The following SLC9A9 variants were observed in gnomAD, a reference collection of about 807,000 sequenced individuals.
SLC9A9 encodes the protein sodium/hydrogen exchanger 9.
SLC9A9 carries 62 observed loss-of-function variants against 77.8 expected under a neutral mutation model. The observed-to-expected ratio is 0.80, with a 90% CI of 0.65 to 0.98. The LOEUF is 0.98. Among genes scored for constraint, SLC9A9 ranks in the 50% least tolerant of loss-of-function variants. SLC9A9 has a pLI of 0.00. For missense variants in SLC9A9, 775 were observed against 774.9 expected, an observed-to-expected ratio of 1.00 and a Z score of 0.00; for synonymous variants, 320 against 283.5, an observed-to-expected ratio of 1.13 and a Z score of -1.29.
intron 14 of SLC9A9, among the ~76,000 whole-genome samples, chr3:143,325,677 A>G (rs1238642686): frequency 6.6e-6 from 1 of 152,226 alleles, no homozygotes; most frequent in Non-Finnish European, 1.5e-5. Flanking sequence ...GGACATGTCC[A>G]CTTGGGCTGT....
chr3:143,594,319 T>A (rs1288509096), intron 6 of SLC9A9, among the ~76,000 whole-genome samples: 1 of 152,238 alleles, frequency 6.6e-6, no homozygotes, highest in African/African-American at 2.4e-5. Context: ...TCTCTTGGAC[T>A]TTGTGCTTTC....
intron 6 of SLC9A9, among the ~76,000 whole-genome samples, chr3:143,623,478 C>A (rs1319239273): frequency 6.6e-6 from 1 of 152,214 alleles, no homozygotes; most frequent in Non-Finnish European, 1.5e-5. Flanking sequence ...AACCGCTCAA[C>A]TACATGCAAA....
intron 12 of SLC9A9, among the ~76,000 whole-genome samples, chr3:143,435,362 C>T (rs966433544): frequency 2.6e-5 from 4 of 152,008 alleles, no homozygotes; most frequent in East Asian, 1.9e-4. Context: ...GGTCCAATGG[C>T]GTTGTGTTTC....
chr3:143,485,425 A>G (rs1201230641), intron 11 of SLC9A9, among the ~76,000 whole-genome samples: 1 of 152,140 alleles, frequency 6.6e-6, no homozygotes, highest in Non-Finnish European at 1.5e-5. Flanking sequence ...GACATTAAAT[A>G]TTAGGTCATT....
chr3:143,602,242 T>C (rs1264763748), intron 6 of SLC9A9, among the ~76,000 whole-genome samples: 20 of 152,248 alleles, frequency 1.3e-4, no homozygotes, highest in Non-Finnish European at 2.9e-5. Flanking sequence ...TTGTTCACTA[T>C]GGGACCAGCA....
chr3:143,451,530 C>G (rs1299919782), intron 12 of SLC9A9, among the ~76,000 whole-genome samples: 1 of 151,808 alleles, frequency 6.6e-6, no homozygotes, highest in African/African-American at 2.4e-5. Flanking sequence ...AAACATAAGG[C>G]TTTATGTTTT....
At chr3:143,722,576 A>G (rs1234157964) in intron 4 of SLC9A9, among the ~76,000 whole-genome samples, 1 of 151,596 alleles carries the variant, frequency 6.6e-6, no homozygotes, top group African/African-American at 2.4e-5. Flanking sequence ...GAGGCTCACA[A>G]AAGCTGCGGA....
intron 14 of SLC9A9, among the ~76,000 whole-genome samples, chr3:143,328,639 C>A (rs1332893665): frequency 6.6e-6 from 1 of 152,336 alleles, no homozygotes; most frequent in East Asian, 1.9e-4. Flanking sequence ...TAATTTCTGT[C>A]ACTCCTACAC....
At chr3:143,349,034 G>C (rs1322595706) in intron 14 of SLC9A9, among the ~76,000 whole-genome samples, 1 of 152,202 alleles carries the variant, frequency 6.6e-6, no homozygotes, top group Non-Finnish European at 1.5e-5. Flanking sequence ...TGGGGCAGGA[G>C]GAAGCCAGCT....
chr3:143,391,114 A>G (rs1312468408), intron 12 of SLC9A9, among the ~76,000 whole-genome samples: 2 of 152,226 alleles, frequency 1.3e-5, no homozygotes, highest in Non-Finnish European at 2.9e-5. Context: ...GGTTCTCCCA[A>G]CATGGAGTTT....
intron 14 of SLC9A9, among the ~76,000 whole-genome samples, chr3:143,342,013 G>C (rs759689364): frequency 3.3e-5 from 5 of 152,144 alleles, no homozygotes; most frequent in Admixed American, 3.3e-4. Context: ...ATGTGGAGCT[G>C]TGTTATGGGA....
At chr3:143,301,364 T>C (rs1333774678) in intron 14 of SLC9A9, among the ~76,000 whole-genome samples, 7 of 152,230 alleles carry the variant, frequency 4.6e-5, no homozygotes, top group South Asian at 4.1e-4. Context: ...TTAAGTTTAA[T>C]GCACCCCAGA....
chr3:143,693,829 G>C (rs1933550473), intron 4 of SLC9A9, among the ~76,000 whole-genome samples: 2 of 152,112 alleles, frequency 1.3e-5, no homozygotes, highest in African/African-American at 4.8e-5. Flanking sequence ...CTTCCACACT[G>C]GGTAGAGAAT....
chr3:143,576,510 G>T (rs781287357), intron 7 of SLC9A9, among the ~76,000 whole-genome samples: 1 of 152,114 alleles, frequency 6.6e-6, no homozygotes, highest in Non-Finnish European at 1.5e-5. Context: ...GCATAGAAAG[G>T]CTCTGGCACA....
intron 12 of SLC9A9, among the ~76,000 whole-genome samples, chr3:143,421,035 A>G (rs2034288603): frequency 6.6e-6 from 1 of 152,186 alleles, no homozygotes; most frequent in African/African-American, 2.4e-5. Context: ...CCCATTTACA[A>G]TGGCTAGACA....
intron 9 of SLC9A9, among the ~76,000 whole-genome samples, chr3:143,531,243 T>C (rs925694571): frequency 6.6e-6 from 1 of 152,196 alleles, no homozygotes; most frequent in Non-Finnish European, 1.5e-5. Context: ...CTTACTTAGC[T>C]CTTGAGATTT....
intron 4 of SLC9A9, among the ~76,000 whole-genome samples, chr3:143,693,555 T>C (rs183681803): frequency 4.6e-5 from 7 of 152,246 alleles, no homozygotes; most frequent in Non-Finnish European, 7.4e-5. Flanking sequence ...TATATTCCAA[T>C]GAAAACAAGA....
intron 9 of SLC9A9, among the ~76,000 whole-genome samples, chr3:143,508,169 C>T (rs1450736347): frequency 7.9e-5 from 12 of 152,272 alleles, no homozygotes; most frequent in African/African-American, 2.9e-4. Context: ...TAAGACATGA[C>T]TGAGGATACT....
rs200691213 is a variant in SLC9A9, at chr3:143,765,069, TTCTC to T, written c.533+29928_533+29931del. ...TTTTTCTTTCTTTCTTTCCCTCTTTTTCTCTCTTTCTTTTTCTTTCTCTCTTTCT... is the reference window on the plus strand; with the variant it reads ...TTTTTCTTTCTTTCTTTCCCTCTTTTTCTTTCTTTTTCTTTCTCTCTTTCT... On this transcript the variant is annotated intron_variant, in intron 4 of 15. Coordinates refer to ENST00000316549, the MANE Select transcript of SLC9A9 (RefSeq NM_173653.4). Among the ~76,000 whole-genome samples the T allele has an allele frequency of 3.4e-5, 5 of 147,902 alleles. No homozygotes were observed. In the South Asian group the frequency reaches 8.3e-4, roughly 25 times the overall value.
Sources: allele counts gnomAD v4.1 joint callset (sites outside exome capture counted in the v4.1 genomes callset), GRCh38; gene constraint gnomAD v4.1.1; transcripts MANE v1.5; gene names NCBI Gene and HGNC (gene_info 2026-07-23, HGNC 2026-07-21).